The following CDH20 variants were observed in gnomAD, a reference collection of about 807,000 sequenced individuals.
CDH20 encodes the protein cadherin 20, also known as cadherin-20.
Under a neutral mutation model 74.2 loss-of-function variants are expected in CDH20, and 29 were observed. The ratio of observed to expected loss-of-function variants is 0.39; its 90% CI spans 0.29 to 0.53. CDH20 has a LOEUF of 0.53. CDH20 is among the 20% of genes least tolerant of loss of function. CDH20 has a pLI of 0.69. For synonymous variants in CDH20, 469 were observed against 405.4 expected (o/e 1.16, Z -1.88); for missense variants, 988 against 1,048.3 (o/e 0.94, Z 0.79).
intron 1 of CDH20, among the ~76,000 whole-genome samples, chr18:61,450,403 A>T (rs1244323202): frequency 6.6e-6 from 1 of 151,826 alleles, no homozygotes; most frequent in Non-Finnish European, 1.5e-5. Context: ...AAAAAAAAAA[A>T]AACTTTTTAC....
chr18:61,416,326 C>T (rs1397536065), intron 1 of CDH20, among the ~76,000 whole-genome samples: 1 of 152,142 alleles, frequency 6.6e-6, no homozygotes, highest in Non-Finnish European at 1.5e-5. Flanking sequence ...TTTTATATCA[C>T]TAACATGGGA....
At chr18:61,473,568 A>G (rs1910262886) in intron 1 of CDH20, among the ~76,000 whole-genome samples, 3 of 152,246 alleles carry the variant, frequency 2.0e-5, no homozygotes, top group South Asian at 2.1e-4. Flanking sequence ...TTTCCATTCC[A>G]AGGAAACCTA....
At chr18:61,393,284 T>TC (rs1214619942) in intron 1 of CDH20, among the ~76,000 whole-genome samples, 2 of 152,114 alleles carry the variant, frequency 1.3e-5, no homozygotes, top group Non-Finnish European at 2.9e-5. Context: ...GCCTGCCAAA[T>TC]CCAGCCATAC....
At chr18:61,485,887 C>A (rs1209617701) in intron 1 of CDH20, among the ~76,000 whole-genome samples, 1 of 152,072 alleles carries the variant, frequency 6.6e-6, no homozygotes. Flanking sequence ...TCCTGGCTAA[C>A]ATGGTGAAAC....
chr18:61,389,049 C>T (rs752614077), intron 1 of CDH20, among the ~76,000 whole-genome samples: 9 of 152,088 alleles, frequency 5.9e-5, no homozygotes, highest in Non-Finnish European at 1.2e-4. Context: ...CATTCAGGGT[C>T]CCCTCACAGC....
chr18:61,487,601 C>T (rs1910811345), intron 1 of CDH20, among the ~76,000 whole-genome samples: 2 of 152,266 alleles, frequency 1.3e-5, no homozygotes, highest in Admixed American at 6.5e-5. Context: ...AGGGCTCCCC[C>T]GGTCAAGATC....
At chr18:61,490,044 T>A (rs1776344287) in intron 1 of CDH20, among the ~76,000 whole-genome samples, 1 of 152,168 alleles carries the variant, frequency 6.6e-6, no homozygotes, top group African/African-American at 2.4e-5. Flanking sequence ...TGAATGCTGC[T>A]TTTAAGAGTT....
At chr18:61,444,556 G>A (rs1480055243) in intron 1 of CDH20, among the ~76,000 whole-genome samples, 1 of 152,134 alleles carries the variant, frequency 6.6e-6, no homozygotes, top group Non-Finnish European at 1.5e-5. Flanking sequence ...ATTACTTGCT[G>A]GTAGTCTTTT....
chr18:61,357,409 T>C (rs1159280364), intron 1 of CDH20, among the ~76,000 whole-genome samples: 2 of 152,098 alleles, frequency 1.3e-5, no homozygotes, highest in African/African-American at 4.8e-5. Context: ...TTTTCCCCCC[T>C]CCTATAACAA....
chr18:61,389,395 T>A (rs1911699027), intron 1 of CDH20, among the ~76,000 whole-genome samples: 1 of 63,064 alleles, frequency 1.6e-5, no homozygotes, highest in Non-Finnish European at 2.8e-5. Flanking sequence ...CACCATATGG[T>A]GAAGTTACAA....
chr18:61,509,099 T>TAAA (rs2144333471), intron 6 of CDH20, among the ~76,000 whole-genome samples: 1 of 152,262 alleles, frequency 6.6e-6, no homozygotes, highest in South Asian at 2.1e-4. Flanking sequence ...GGGCAAGGGA[T>TAAA]AAAAGACTAC....
chr18:61,428,889 G>A (rs762710715), intron 1 of CDH20, among the ~76,000 whole-genome samples: 12 of 152,310 alleles, frequency 7.9e-5, no homozygotes, highest in Middle Eastern at 6.8e-3. Flanking sequence ...ACAGGTTTAC[G>A]CTAGAACACC....
intron 1 of CDH20, among the ~76,000 whole-genome samples, chr18:61,411,522 T>C (rs993440539): frequency 1.3e-5 from 2 of 149,792 alleles, no homozygotes; most frequent in African/African-American, 2.5e-5. Flanking sequence ...CATCAATCAA[T>C]GAGTGGATAA....
chr18:61,528,338 C>T (rs967841333), intron 7 of CDH20, 118 bp downstream of exon 7: 1 of 1,070,058 alleles, frequency 9.3e-7, no homozygotes, highest in Admixed American at 2.3e-5. Context: ...TGGAGACTCT[C>T]CTCTTTGAGT....
At chr18:61,553,724 G>T (rs1223408571) in intron 11 of CDH20, among the ~76,000 whole-genome samples, 1 of 152,188 alleles carries the variant, frequency 6.6e-6, no homozygotes, top group Non-Finnish European at 1.5e-5. Flanking sequence ...ATCCTATTAA[G>T]ATGCTAATAT....
intron 1 of CDH20, among the ~76,000 whole-genome samples, chr18:61,339,764 T>C (rs1909882716): frequency 7.0e-6 from 1 of 142,738 alleles, no homozygotes; most frequent in African/African-American, 2.6e-5. Flanking sequence ...CTTGGCTCAC[T>C]GCAAGCTCCG....
At chr18:61,552,930 CTT>C (rs1247092463) in intron 11 of CDH20, among the ~76,000 whole-genome samples, 1 of 152,148 alleles carries the variant, frequency 6.6e-6, no homozygotes, top group African/African-American at 2.4e-5. Flanking sequence ...CTATTAGTCT[CTT>C]TTTCTCTAGG....
chr18:61,478,954 TATATAA>T (rs1335128560), intron 1 of CDH20, among the ~76,000 whole-genome samples: 2 of 151,806 alleles, frequency 1.3e-5, no homozygotes, highest in African/African-American at 2.4e-5. Flanking sequence ...AAATTTATAT[TATATAA>T]ATATAATAGT....
intron 1 of CDH20, among the ~76,000 whole-genome samples, chr18:61,409,890 T>C (rs1422128041): frequency 6.6e-6 from 1 of 152,142 alleles, no homozygotes; most frequent in African/African-American, 2.4e-5. Context: ...CCTATGACAG[T>C]GACAGGGAAG....
Sources: allele counts gnomAD v4.1 joint callset (sites outside exome capture counted in the v4.1 genomes callset), GRCh38; gene constraint gnomAD v4.1.1; transcripts MANE v1.5; gene names NCBI Gene and HGNC (gene_info 2026-07-23, HGNC 2026-07-21).